The following FRAS1 variants were observed in gnomAD, a reference collection of about 807,000 sequenced individuals.
FRAS1 encodes extracellular matrix organizing protein FRAS1.
In FRAS1, 290 loss-of-function variants were observed where a neutral mutation model predicts 435.2. The observed-to-expected ratio is 0.67, with a 90% CI of 0.61 to 0.73. The LOEUF (loss-of-function observed/expected upper bound fraction) is 0.73. Ranked by LOEUF, FRAS1 falls within the 30% of genes least tolerant of loss-of-function variation. The pLI, the probability that FRAS1 is intolerant of heterozygous loss-of-function variation, is 0.00. For synonymous variants in FRAS1, 1,800 were observed against 1,851.0 expected (o/e 0.97, Z 0.71); for missense variants, 4,860 against 5,001.5 (o/e 0.97, Z 0.85).
chr4:78,460,229 A>G (rs1338822930), intron 47 of FRAS1, among the ~76,000 whole-genome samples: 1 of 152,176 alleles, frequency 6.6e-6, no homozygotes, highest in Non-Finnish European at 1.5e-5. Context: ...CTTTATTTCC[A>G]CACCATTTCC....
intron 2 of FRAS1, among the ~76,000 whole-genome samples, chr4:78,105,320 G>A (rs1171881453): frequency 6.6e-6 from 1 of 152,216 alleles, no homozygotes; most frequent in African/African-American, 2.4e-5. Flanking sequence ...AGGAGATTAA[G>A]AGGGATGGAG....
intron 14 of FRAS1, among the ~76,000 whole-genome samples, chr4:78,306,952 A>G (rs996844375): frequency 1.3e-5 from 2 of 152,026 alleles, no homozygotes; most frequent in African/African-American, 4.8e-5. Context: ...TGCTTTTTAG[A>G]GTTTCCAGTT....
In FRAS1 at chr4:78,245,281, T is replaced by A. The variant is rs1270385879; in HGVS notation, c.265T>A (p.Leu89Met). 6.2e-7 allele frequency: 1 copy of A among 1,609,498 alleles called. No individual in the cohort carries two copies. Residue 89 changes from leucine to methionine, a missense_variant, in exon 4 of 74, where the codon TTG becomes ATG. Leu to Met is a conservative substitution (Grantham distance 15). Transcript: ENST00000512123. Reference sequence around the variant, plus strand: ...CAACCAATGCTGTCCTGAGTGTGTTTTGAGGACTCCAGGATCTTGCCATCA... The same window carrying A: ...CAACCAATGCTGTCCTGAGTGTGTTATGAGGACTCCAGGATCTTGCCATCA... ...AANQCCPECV[L>M]RTPGSCHHEK...
chr4:78,091,996 A>AG (rs1335884285), intron 2 of FRAS1, among the ~76,000 whole-genome samples: 1 of 151,052 alleles, frequency 6.6e-6, no homozygotes, highest in Non-Finnish European at 1.5e-5. Flanking sequence ...AAAAAAAAAA[A>AG]AAAGGAAAAA....
chr4:78,190,364 A>G (rs1722477273), intron 2 of FRAS1, among the ~76,000 whole-genome samples: 1 of 151,372 alleles, frequency 6.6e-6, no homozygotes, highest in Admixed American at 6.6e-5. Flanking sequence ...TTGTAAAATC[A>G]CTTCCTCAGA....
chr4:78,473,355 T>C (rs1229693572), intron 52 of FRAS1, 83 bp from the exon 53 acceptor site: 1 of 1,113,968 alleles, frequency 9.0e-7, no homozygotes, highest in East Asian at 2.5e-5. Context: ...ATTAGAAGAA[T>C]AAACTAGGTT....
chr4:78,079,246 AAC>A (rs1382373366), intron 2 of FRAS1, among the ~76,000 whole-genome samples: 3 of 151,544 alleles, frequency 2.0e-5, no homozygotes, highest in African/African-American at 7.3e-5. Flanking sequence ...TTTTTTTGTC[AAC>A]AAGAGAGAGA....
At chr4:78,310,840 C>T (rs188652067) in intron 15 of FRAS1, among the ~76,000 whole-genome samples, 44 of 152,218 alleles carry the variant, frequency 2.9e-4, no homozygotes, top group African/African-American at 9.9e-4. Context: ...AGATAAAGAC[C>T]GGCTGGTGTG....
chr4:78,512,694 T>C (rs545124947), intron 64 of FRAS1, among the ~76,000 whole-genome samples: 1 of 152,272 alleles, frequency 6.6e-6, no homozygotes, highest in South Asian at 2.1e-4. Context: ...ATTTGAGAAA[T>C]AGCAGCCAAT....
At chr4:78,485,957 G>T (rs1294389852) in intron 58 of FRAS1, among the ~76,000 whole-genome samples, 1 of 152,156 alleles carries the variant, frequency 6.6e-6, no homozygotes, top group Non-Finnish European at 1.5e-5. Flanking sequence ...CTGATTTCAG[G>T]ATCTTAAATC....
chr4:78,077,457 C>T (rs1740695011), intron 2 of FRAS1, among the ~76,000 whole-genome samples: 1 of 152,106 alleles, frequency 6.6e-6, no homozygotes, highest in African/African-American at 2.4e-5. Context: ...TATTTGTATA[C>T]ATTCACAGGG....
intron 47 of FRAS1, among the ~76,000 whole-genome samples, chr4:78,453,881 T>C (rs1423326035): frequency 6.6e-6 from 1 of 152,144 alleles, no homozygotes; most frequent in Non-Finnish European, 1.5e-5. Flanking sequence ...TTTTAGAGCT[T>C]CGTGGATTCT....
intron 2 of FRAS1, among the ~76,000 whole-genome samples, chr4:78,216,597 T>C (rs1723777990): frequency 1.3e-5 from 2 of 152,230 alleles, no homozygotes; most frequent in South Asian, 2.1e-4. Context: ...ATTCCACAGA[T>C]ATCTGCAGTT....
intron 22 of FRAS1, among the ~76,000 whole-genome samples, chr4:78,369,472 G>T (rs1210364058): frequency 2.6e-5 from 4 of 152,152 alleles, no homozygotes; most frequent in African/African-American, 9.7e-5. Context: ...ACAAAAACCT[G>T]AATCTACATT....
rs1373360628 is a variant in FRAS1, at chr4:78,536,942, GT to G, written c.11093-48del. On this transcript the variant is annotated intron_variant, in intron 71 of 73. Transcript: ENST00000512123. ...TAACCCCTTTCAACCCTTGACATTTGTTTTTCTTTCATCTTAAAGTCTGACC... is the reference window on the plus strand; with the variant it reads ...TAACCCCTTTCAACCCTTGACATTTGTTTTCTTTCATCTTAAAGTCTGACC... The G allele has an allele frequency of 4.1e-6, 6 of 1,479,976 alleles. No homozygotes were observed. The African/African-American group carries it at 5.5e-5, about 14-fold the overall frequency. The allele number at this position is 1,479,976 out of a possible 1,614,324, so 91.7% of individuals were successfully genotyped here.
chr4:78,218,773 A>G (rs938740519), intron 2 of FRAS1, among the ~76,000 whole-genome samples: 1 of 152,210 alleles, frequency 6.6e-6, no homozygotes, highest in African/African-American at 2.4e-5. Flanking sequence ...AGGACAAGAA[A>G]CCAATTTGTT....
chr4:78,305,797 G>T (rs1399605952), intron 14 of FRAS1, among the ~76,000 whole-genome samples: 3 of 151,730 alleles, frequency 2.0e-5, no homozygotes, highest in Non-Finnish European at 4.4e-5. Context: ...GCACACTGAT[G>T]GGTCCTGACT....
chr4:78,128,564 G>A (rs1719505711), intron 2 of FRAS1, among the ~76,000 whole-genome samples: 1 of 152,174 alleles, frequency 6.6e-6, no homozygotes, highest in Non-Finnish European at 1.5e-5. Flanking sequence ...TTTGAGAAGT[G>A]TCTGTTCATA....
At chr4:78,466,057 G>A in intron 49 of FRAS1, 151 bp from the exon 50 acceptor site, 3 of 615,258 alleles carry the variant, frequency 4.9e-6, no homozygotes, top group Non-Finnish European at 8.7e-6. Flanking sequence ...ATTCTCTTTA[G>A]CTCTATCTTT....
Sources: allele counts gnomAD v4.1 joint callset (sites outside exome capture counted in the v4.1 genomes callset), GRCh38; gene constraint gnomAD v4.1.1; transcripts MANE v1.5; gene names NCBI Gene and HGNC (gene_info 2026-07-23, HGNC 2026-07-21).